The following BBS12 variants were observed in gnomAD, a reference collection of about 807,000 sequenced individuals.
The protein encoded by BBS12 is Bardet-Biedl syndrome 12, also known as chaperonin-containing T-complex member BBS12.
A neutral mutation model predicts 5.6 loss-of-function variants in BBS12; 5 were observed. The ratio of observed to expected loss-of-function variants is 0.89; its 90% CI spans 0.46 to 1.86. The LOEUF (loss-of-function observed/expected upper bound fraction) is 1.86, where lower values mean the gene tolerates loss of function less well. Among genes scored for constraint, BBS12 ranks in the 40% most tolerant of loss-of-function variants. The pLI is 0.01. For synonymous variants in BBS12, 308 were observed against 306.8 expected, an observed-to-expected ratio of 1.00 and a Z score of -0.04; for missense variants, 748 against 830.4, an observed-to-expected ratio of 0.90 and a Z score of 1.22.
chr4:122,715,028 AAAAT>A, the BBS12 span, among the ~76,000 whole-genome samples: 8 of 152,048 alleles, frequency 5.3e-5, no homozygotes, highest in Non-Finnish European at 7.4e-5. Context: ...TAGTTCATGA[AAAAT>A]AAATAAAGAC....
the BBS12 span, among the ~76,000 whole-genome samples, chr4:122,718,562 T>C: frequency 1.3e-5 from 2 of 152,142 alleles, no homozygotes; most frequent in Non-Finnish European, 2.9e-5. Context: ...AACAGGACTT[T>C]TTCCCTGACG....
At chr4:122,737,291 T>A (rs376877738) in intron 1 of BBS12, among the ~76,000 whole-genome samples, 5 of 152,130 alleles carry the variant, frequency 3.3e-5, no homozygotes, top group African/African-American at 1.2e-4. Flanking sequence ...GAAGAGAGGG[T>A]GAATTACTAT....
In BBS12 at chr4:122,743,842, A is replaced by G. The variant is rs1800940070; in HGVS notation, c.1950A>G (p.Ser650=). ...YSKLNSRIFN[S]DISNKLEQIP... Reference sequence around the variant, plus strand: ...AACTAAATAGTAGAATTTTTAATTCAGACATTTCAAATAAACTGGAGCAGA... The same window carrying G: ...AACTAAATAGTAGAATTTTTAATTCGGACATTTCAAATAAACTGGAGCAGA... Residue 650 remains serine (S), a synonymous_variant, in exon 2 of 2, where the codon TCA becomes TCG. Coordinates refer to ENST00000314218, the MANE Select transcript of BBS12 (RefSeq NM_152618.3). The G allele has an allele frequency of 6.2e-7, 1 of 1,605,976 alleles. No homozygotes were observed. The highest frequency in any genetic ancestry group is 2.2e-5 in the East Asian group (1 of 44,844).
At chr4:122,707,943 CCCTT>C in the BBS12 span, among the ~76,000 whole-genome samples, 38,759 of 142,950 alleles carry the variant, frequency 0.27, 5,645 homozygotes, top group South Asian at 0.41. Flanking sequence ...ACACTCCTTT[CCCTT>C]CCTTCCTTCC....
the BBS12 span, among the ~76,000 whole-genome samples, chr4:122,722,138 T>G: frequency 5.3e-5 from 8 of 152,208 alleles, no homozygotes; most frequent in African/African-American, 1.9e-4. Context: ...AAATTTTCTT[T>G]TATACCTTAT....
chr4:122,727,544 A>ATTTTTTTTTTTTTTTTTTTTTTT, the BBS12 span, among the ~76,000 whole-genome samples: 62 of 82,290 alleles, frequency 7.5e-4, 13 homozygotes, highest in East Asian at 3.3e-3. Context: ...CCCCTGGCCA[A>ATTTTTTTTTTTTTTTTTTTTTTT]TTTTTTTTTT....
upstream of BBS12, chr4:122,731,311 A>C (rs796286629): frequency 3.5e-4 from 54 of 152,368 alleles, no homozygotes; most frequent in African/African-American, 1.2e-3. Flanking sequence ...AAAGGCTTCC[A>C]AATTCTGGCC....
intron 1 of BBS12, among the ~76,000 whole-genome samples, chr4:122,741,006 CAT>C (rs1800862312): frequency 6.6e-6 from 1 of 152,170 alleles, no homozygotes; most frequent in Non-Finnish European, 1.5e-5. Context: ...GTTTAGAGTA[CAT>C]GTTTTCAAAC....
intron 1 of BBS12, among the ~76,000 whole-genome samples, chr4:122,741,659 C>T (rs146983111): frequency 2.0e-5 from 3 of 152,280 alleles, no homozygotes; most frequent in Non-Finnish European, 2.9e-5. Context: ...ACGTTGCCTA[C>T]AGCCCTCATG....
At chr4:122,708,463 G>A in the BBS12 span, among the ~76,000 whole-genome samples, 1 of 152,106 alleles carries the variant, frequency 6.6e-6, no homozygotes, top group African/African-American at 2.4e-5. Context: ...ACCCTCTTAA[G>A]CTTTGGAGGA....
the BBS12 span, among the ~76,000 whole-genome samples, chr4:122,711,806 G>T: frequency 6.6e-6 from 1 of 152,314 alleles, no homozygotes; most frequent in East Asian, 1.9e-4. Context: ...CTTGTGTACT[G>T]CCTACAAACC....
the BBS12 span, among the ~76,000 whole-genome samples, chr4:122,708,231 G>A: frequency 6.6e-6 from 1 of 151,932 alleles, no homozygotes; most frequent in Non-Finnish European, 1.5e-5. Flanking sequence ...AAGCTGTCTT[G>A]AACTCCTGGG....
chr4:122,727,572 T>C, the BBS12 span, among the ~76,000 whole-genome samples: 183 of 88,608 alleles, frequency 2.1e-3, 4 homozygotes, highest in Non-Finnish European at 3.2e-3. Context: ...TTTTTTGAGA[T>C]GGAGTCTCAC....
chr4:122,738,551 T>C (rs912441389), intron 1 of BBS12, among the ~76,000 whole-genome samples: 2 of 152,132 alleles, frequency 1.3e-5, no homozygotes, highest in African/African-American at 4.8e-5. Flanking sequence ...GTCATCAAAA[T>C]GCATAATCCA....
the BBS12 span, among the ~76,000 whole-genome samples, chr4:122,719,068 C>T: frequency 6.6e-6 from 1 of 152,180 alleles, no homozygotes; most frequent in African/African-American, 2.4e-5. Context: ...ATCCGCCCAC[C>T]TCAGCCTCCC....
intron 1 of BBS12, among the ~76,000 whole-genome samples, chr4:122,733,323 G>C (rs1280590677): frequency 6.6e-6 from 1 of 151,290 alleles, no homozygotes; most frequent in African/African-American, 2.4e-5. Context: ...TTGTTTACGA[G>C]GTAGGACTTT....
At chr4:122,727,915 T>C (rs997605575), upstream of BBS12, among the ~76,000 whole-genome samples, 7 of 152,088 alleles carry the variant, frequency 4.6e-5, no homozygotes, top group African/African-American at 1.7e-4. Context: ...CAAAAAGGAA[T>C]AGACAAATAG....
At chr4:122,713,703 C>T in the BBS12 span, among the ~76,000 whole-genome samples, 1 of 152,138 alleles carries the variant, frequency 6.6e-6, no homozygotes. Flanking sequence ...GAGAACAGAT[C>T]ACTCCTTGTG....
intron 1 of BBS12, among the ~76,000 whole-genome samples, chr4:122,738,394 C>T (rs1319968554): frequency 1.3e-5 from 2 of 151,960 alleles, no homozygotes; most frequent in Non-Finnish European, 2.9e-5. Flanking sequence ...TGTATTTTAA[C>T]AGAGACGGGT....
Sources: allele counts gnomAD v4.1 joint callset (sites outside exome capture counted in the v4.1 genomes callset), GRCh38; gene constraint gnomAD v4.1.1; transcripts MANE v1.5; gene names NCBI Gene and HGNC (gene_info 2026-07-23, HGNC 2026-07-21).